KCTD16: variants seen among roughly 807,000 people sequenced by gnomAD.
KCTD16 encodes the protein BTB/POZ domain-containing protein KCTD16.
In KCTD16, 13 loss-of-function variants were observed where a neutral mutation model predicts 33.2. That is an observed-to-expected ratio of 0.39 (90% CI 0.25 to 0.62). The LOEUF is 0.62. KCTD16 is among the 20% of genes least tolerant of loss of function. The probability of loss-of-function intolerance (pLI) is 0.50; values close to 1 mark genes in which losing one functional copy is unlikely to be tolerated. For synonymous variants in KCTD16, 197 were observed against 195.3 expected, an observed-to-expected ratio of 1.01 and a Z score of -0.07; for missense variants, 441 against 525.1, an observed-to-expected ratio of 0.84 and a Z score of 1.57.
intron 3 of KCTD16, among the ~76,000 whole-genome samples, chr5:144,299,072 A>ATATATATATT (rs1491103244): frequency 1.7e-5 from 1 of 57,432 alleles, no homozygotes; most frequent in Non-Finnish European, 3.4e-5. Flanking sequence ...ATATATATAT[A>ATATATATATT]TTTTTGTATA....
At chr5:144,405,439 C>A (rs1442034306) in intron 3 of KCTD16, among the ~76,000 whole-genome samples, 1 of 152,224 alleles carries the variant, frequency 6.6e-6, no homozygotes, top group East Asian at 1.9e-4. Context: ...TTGATCCCTG[C>A]TGTCACAGCG....
intron 3 of KCTD16, among the ~76,000 whole-genome samples, chr5:144,411,516 C>T (rs543019549): frequency 1.3e-5 from 2 of 152,038 alleles, no homozygotes; most frequent in African/African-American, 2.4e-5. Flanking sequence ...TCTCTCTCAC[C>T]AGATTAAAAA....
At chr5:144,244,500 C>T (rs1331482081) in intron 3 of KCTD16, among the ~76,000 whole-genome samples, 1 of 152,160 alleles carries the variant, frequency 6.6e-6, no homozygotes, top group Non-Finnish European at 1.5e-5. Context: ...GTGAGGGTTG[C>T]TAAGTCAATT....
intron 3 of KCTD16, among the ~76,000 whole-genome samples, chr5:144,267,946 G>C (rs1755191414): frequency 6.6e-6 from 1 of 152,230 alleles, no homozygotes; most frequent in Non-Finnish European, 1.5e-5. Flanking sequence ...GAATTCAATG[G>C]AGTAGTAAGC....
At chr5:144,233,498 G>A (rs1012889817) in intron 3 of KCTD16, among the ~76,000 whole-genome samples, 1 of 152,142 alleles carries the variant, frequency 6.6e-6, no homozygotes, top group Non-Finnish European at 1.5e-5. Flanking sequence ...ATGTCTGAGA[G>A]TTGCATGGCA....
intron 3 of KCTD16, among the ~76,000 whole-genome samples, chr5:144,400,065 T>G (rs1033922865): frequency 6.6e-6 from 1 of 152,240 alleles, no homozygotes; most frequent in African/African-American, 2.4e-5. Context: ...ATATTGATTA[T>G]TTTTGCATGA....
chr5:144,388,403 T>C (rs1286282779), intron 3 of KCTD16, among the ~76,000 whole-genome samples: 2 of 152,124 alleles, frequency 1.3e-5, no homozygotes, highest in Admixed American at 6.6e-5. Flanking sequence ...TTTAAATAAA[T>C]GAACTTTATA....
rs191579752 is a variant in KCTD16 at position 144,476,125 on chromosome 5, T to C, written c.*2011T>C. The C allele has an allele frequency of 7.5e-4, 114 of 152,338 alleles. No homozygotes were observed. The highest frequency in any genetic ancestry group is 2.6e-3 in the African/African-American group (109 of 41,580). The allele number at this position is 152,338 out of a possible 1,614,324, so 9.4% of individuals were successfully genotyped here. ...AATGTTTCTTGATAGCACATGGCAA[T>C]ACCATCATCCTAATAACAGAAGATC... On this transcript the variant is annotated 3_prime_UTR_variant, in exon 4 of 4. Transcript: ENST00000512467.
intron 3 of KCTD16, among the ~76,000 whole-genome samples, chr5:144,297,065 G>A (rs78835085): frequency 0.016 from 2,418 of 152,240 alleles, 36 homozygotes; most frequent in Middle Eastern, 0.034. Context: ...TGCTTTAAAC[G>A]TAATAGGAAT....
chr5:144,311,539 G>A (rs1268890956), intron 3 of KCTD16, among the ~76,000 whole-genome samples: 1 of 152,058 alleles, frequency 6.6e-6, no homozygotes, highest in Non-Finnish European at 1.5e-5. Context: ...ACTTATCATA[G>A]GAACCCTAAT....
intron 2 of KCTD16, among the ~76,000 whole-genome samples, chr5:144,186,142 C>T (rs1752720368): frequency 6.6e-6 from 1 of 152,088 alleles, no homozygotes; most frequent in Non-Finnish European, 1.5e-5. Flanking sequence ...TTACTTGTCA[C>T]ATATGGAAAC....
chr5:144,370,855 G>C (rs952413175), intron 3 of KCTD16, among the ~76,000 whole-genome samples: 1 of 152,022 alleles, frequency 6.6e-6, no homozygotes, highest in Admixed American at 6.6e-5. Context: ...AGCTATAGGG[G>C]ATTCCATTAC....
chr5:144,288,237 C>T lies in KCTD16; in HGVS notation c.832+80691C>T, dbSNP rs138508187. Among the ~76,000 whole-genome samples the T allele has an allele frequency of 1.2e-3, 189 of 152,294 alleles. 1 individual carries two copies. Among genetic ancestry groups the T allele is most frequent in the African/African-American group, 4.1e-3 (169 of 41,554 alleles). ...GGGACAGAAAAGAGTGGCTTAAATT[C>T]TGATCGTGCCAATTTCTAGTTGTAA... On this transcript the variant is annotated intron_variant, in intron 3 of 3. Coordinates refer to ENST00000512467, the MANE Select transcript of KCTD16 (RefSeq NM_020768.4).
At chr5:144,405,745 CA>C (rs1162224673) in intron 3 of KCTD16, among the ~76,000 whole-genome samples, 1 of 152,066 alleles carries the variant, frequency 6.6e-6, no homozygotes, top group Non-Finnish European at 1.5e-5. Flanking sequence ...CTTTTGTTGG[CA>C]AACAGCTATG....
Position 144,304,511 on chromosome 5 carries a change from A to G in KCTD16, c.832+96965A>G, listed in dbSNP as rs369735464. ...TGATCAGCCTGGAGAAGAGAAGGAAAGTATTTGGCTTAATTACGCTTCACA... is the reference window on the plus strand; with the variant it reads ...TGATCAGCCTGGAGAAGAGAAGGAAGGTATTTGGCTTAATTACGCTTCACA... On this transcript the variant is annotated intron_variant, in intron 3 of 3. Transcript: ENST00000512467. 4.5e-4 allele frequency among the ~76,000 whole-genome samples: 68 copies of G among 152,282 alleles called. No homozygotes were observed. The South Asian group carries it at 0.013, about 30-fold the overall frequency.
chr5:144,299,911 AAAAAC>A (rs1751383863), intron 3 of KCTD16, among the ~76,000 whole-genome samples: 2 of 147,408 alleles, frequency 1.4e-5, no homozygotes, highest in African/African-American at 2.6e-5. Context: ...AAAAAAAAAA[AAAAAC>A]AAAAAACAAA....
At chr5:144,236,278 C>G (rs900398519) in intron 3 of KCTD16, among the ~76,000 whole-genome samples, 7 of 152,078 alleles carry the variant, frequency 4.6e-5, no homozygotes, top group Non-Finnish European at 1.0e-4. Context: ...AGGAAAAGCT[C>G]TGAAGAAGAA....
intron 3 of KCTD16, among the ~76,000 whole-genome samples, chr5:144,294,637 C>A (rs1340704306): frequency 6.6e-6 from 1 of 152,158 alleles, no homozygotes; most frequent in African/African-American, 2.4e-5. Context: ...GTCTTCATCA[C>A]AATGTTCTTT....
rs887141189 is a variant in KCTD16, at chr5:144,340,783, C to T, written c.833-132877C>T. The stretch of plus-strand genomic sequence containing the variant: ...ACTGAATCTGCACCAGGTGCGGTGG[C>T]TCATGCCTGTAATCCCAGCCCTTTA... On this transcript the variant is annotated intron_variant, in intron 3 of 3. Coordinates refer to ENST00000512467, the MANE Select transcript of KCTD16 (RefSeq NM_020768.4). Among the ~76,000 whole-genome samples, 4 of 152,248 alleles carry T rather than the reference C, an allele frequency of 2.6e-5. No homozygotes were observed. In the East Asian group the frequency reaches 5.8e-4, roughly 22 times the overall value.
Sources: gnomAD v4.1 joint callset for allele counts (sites outside exome capture counted in the v4.1 genomes callset) on GRCh38, gnomAD v4.1.1 for gene constraint, MANE v1.5 for transcripts, NCBI Gene and HGNC (gene_info 2026-07-23, HGNC 2026-07-21) for gene names.